LRP1B: variants seen among roughly 807,000 people sequenced by gnomAD.
The protein encoded by LRP1B is LDL receptor related protein 1B, also known as low-density lipoprotein receptor-related protein 1B.
Under a neutral mutation model 556.6 loss-of-function variants are expected in LRP1B, and 217 were observed. The ratio of observed to expected loss-of-function variants is 0.39; its 90% CI spans 0.35 to 0.44. The LOEUF is 0.44. Among genes scored for constraint, LRP1B ranks in the 20% least tolerant of loss-of-function variants. LRP1B has a pLI of 1.00. For synonymous variants in LRP1B, 2,047 were observed against 1,865.8 expected (o/e 1.10, Z -2.50); for missense variants, 5,053 against 5,620.8 (o/e 0.90, Z 3.23).
intron 77 of LRP1B, among the ~76,000 whole-genome samples, chr2:140,336,651 C>T (rs1285330383): frequency 6.6e-6 from 1 of 151,916 alleles, no homozygotes; most frequent in Non-Finnish European, 1.5e-5. Flanking sequence ...TATATCTTAA[C>T]ATCTTTTGAG....
intron 36 of LRP1B, 38 bp from the exon 37 acceptor site, chr2:140,716,140 G>T: frequency 7.1e-7 from 1 of 1,414,190 alleles, no homozygotes. Flanking sequence ...ATACAGTTTT[G>T]AGAAAAAAAA....
At chr2:140,769,132 G>C (rs2104933914) in intron 35 of LRP1B, 81 bp downstream of exon 35, 1 of 1,291,968 alleles carries the variant, frequency 7.7e-7, no homozygotes, top group Non-Finnish European at 1.1e-6. Context: ...TTAAAGCACA[G>C]AGGAAAAGAT....
intron 41 of LRP1B, among the ~76,000 whole-genome samples, chr2:140,605,087 C>G (rs1024350498): frequency 2.0e-5 from 3 of 152,094 alleles, no homozygotes; most frequent in Non-Finnish European, 2.9e-5. Flanking sequence ...ACATTTATCT[C>G]AAGGACATGC....
intron 2 of LRP1B, among the ~76,000 whole-genome samples, chr2:141,554,337 ATG>A (rs1318090914): frequency 1.3e-5 from 2 of 148,444 alleles, no homozygotes; most frequent in South Asian, 2.1e-4. Flanking sequence ...TATAGATTAT[ATG>A]TATCTATAGG....
chr2:141,464,219 G>A (rs1346064512), intron 3 of LRP1B, among the ~76,000 whole-genome samples: 1 of 152,018 alleles, frequency 6.6e-6, no homozygotes, highest in African/African-American at 2.4e-5. Flanking sequence ...TGCTAAAAAC[G>A]AGAGAAAAAT....
intron 1 of LRP1B, among the ~76,000 whole-genome samples, chr2:142,030,906 T>A (rs1290373146): frequency 6.6e-6 from 1 of 151,922 alleles, no homozygotes; most frequent in Admixed American, 6.6e-5. Flanking sequence ...ATATTTGAAA[T>A]CCAAATGTTC....
chr2:140,817,391 C>T (rs1691161174), intron 31 of LRP1B, among the ~76,000 whole-genome samples: 2 of 151,072 alleles, frequency 1.3e-5, no homozygotes, highest in South Asian at 4.2e-4. Context: ...TTTTACTTAT[C>T]TTTTCTATTT....
intron 32 of LRP1B, among the ~76,000 whole-genome samples, chr2:140,792,895 A>C (rs1360798564): frequency 6.6e-6 from 1 of 152,064 alleles, no homozygotes; most frequent in Non-Finnish European, 1.5e-5. Context: ...CAAGCTCTGA[A>C]AATAACTAGT....
At chr2:140,425,961 T>C (rs531831586) in intron 66 of LRP1B, among the ~76,000 whole-genome samples, 2 of 152,204 alleles carry the variant, frequency 1.3e-5, no homozygotes, top group African/African-American at 4.8e-5. Flanking sequence ...AATGGCTTAA[T>C]ATTTTCAGGT....
At chr2:141,405,980 C>T (rs141994445) in intron 3 of LRP1B, among the ~76,000 whole-genome samples, 1 of 151,876 alleles carries the variant, frequency 6.6e-6, no homozygotes, top group Non-Finnish European at 1.5e-5. Flanking sequence ...TCAAAAATGA[C>T]CTCTTAGAAG....
chr2:141,266,323 C>CAAAA (rs34877238), intron 3 of LRP1B, among the ~76,000 whole-genome samples: 1 of 73,280 alleles, frequency 1.4e-5, no homozygotes, highest in Non-Finnish European at 2.6e-5. Flanking sequence ...GACTCTGTTT[C>CAAAA]AAAAAAAAAA....
chr2:142,107,632 T>TGTTTC (rs1434999893), intron 1 of LRP1B, among the ~76,000 whole-genome samples: 2 of 151,734 alleles, frequency 1.3e-5, no homozygotes, highest in East Asian at 3.9e-4. Flanking sequence ...TGTTTTGTTT[T>TGTTTC]GTTTTGTTGT....
intron 2 of LRP1B, among the ~76,000 whole-genome samples, chr2:141,686,506 T>C (rs1447781355): frequency 6.6e-6 from 1 of 151,986 alleles, no homozygotes; most frequent in Non-Finnish European, 1.5e-5. Context: ...ATTAATAGTC[T>C]AATGGTATTA....
chr2:140,633,062 C>CAAAAAAAAAAAA (rs1342006327), intron 41 of LRP1B, among the ~76,000 whole-genome samples: 1 of 111,956 alleles, frequency 8.9e-6, no homozygotes, highest in African/African-American at 3.5e-5. Flanking sequence ...GATTCAGTCT[C>CAAAAAAAAAAAA]AAAAAAAAGA....
At chr2:141,497,743 T>G (rs1306366717) in intron 2 of LRP1B, among the ~76,000 whole-genome samples, 1 of 151,984 alleles carries the variant, frequency 6.6e-6, no homozygotes, top group Admixed American at 6.6e-5. Context: ...CAAACTATGA[T>G]GATAAATTAC....
chr2:142,027,796 A>G (rs1036453993), intron 1 of LRP1B, among the ~76,000 whole-genome samples: 2 of 151,882 alleles, frequency 1.3e-5, no homozygotes, highest in African/African-American at 4.8e-5. Context: ...ATACTCTCCT[A>G]GTGACTTTGA....
chr2:140,266,326 G>C (rs146813051), intron 86 of LRP1B, among the ~76,000 whole-genome samples: 102 of 152,050 alleles, frequency 6.7e-4, no homozygotes, highest in African/African-American at 2.3e-3. Context: ...TCTTTGAACT[G>C]TCTGGAGTTG....
At chr2:141,544,344 T>TTCTTC (rs1559131287) in intron 2 of LRP1B, among the ~76,000 whole-genome samples, 4 of 82,520 alleles carry the variant, frequency 4.8e-5, no homozygotes, top group African/African-American at 1.9e-4. Context: ...CTTCTTCTTC[T>TTCTTC]TCTTCTTCTT....
rs1236431055 is a variant in LRP1B, at chr2:140,233,052, CAG to C, written c.*132_*133del. 5 of 551,718 alleles carry C rather than the reference CAG, an allele frequency of 9.1e-6. No homozygotes were observed. In the East Asian group the frequency reaches 1.0e-4, roughly 11 times the overall value. The allele number at this position is 551,718 out of a possible 1,614,324, so 34.2% of individuals were successfully genotyped here. On this transcript the variant is annotated 3_prime_UTR_variant, in exon 91 of 91. Coordinates refer to ENST00000389484, the MANE Select transcript of LRP1B (RefSeq NM_018557.3). Reference sequence around the variant, plus strand: ...AGCAAAAAATAAAACCCAAAAAACTCAGAAAACAATTAACCAGGAAAAAGATA... The same window carrying C: ...AGCAAAAAATAAAACCCAAAAAACTCAAAACAATTAACCAGGAAAAAGATA...
Sources: gnomAD v4.1 joint callset for allele counts (sites outside exome capture counted in the v4.1 genomes callset) on GRCh38, gnomAD v4.1.1 for gene constraint, MANE v1.5 for transcripts, NCBI Gene and HGNC (gene_info 2026-07-23, HGNC 2026-07-21) for gene names.